Variants in ITGBL1 observed in about 807,000 individuals in gnomAD.
ITGBL1 encodes the protein integrin beta-like protein 1.
In ITGBL1, 51 loss-of-function variants were observed where a neutral mutation model predicts 68.5. The ratio of observed to expected loss-of-function variants is 0.74; its 90% CI spans 0.59 to 0.94. The LOEUF (loss-of-function observed/expected upper bound fraction) is 0.94. Among genes scored for constraint, ITGBL1 ranks in the 40% least tolerant of loss-of-function variants. ITGBL1 has a pLI of 0.00. For synonymous variants in ITGBL1, 209 were observed against 227.3 expected, an observed-to-expected ratio of 0.92 and a Z score of 0.72; for missense variants, 649 against 647.4, an observed-to-expected ratio of 1.00 and a Z score of -0.03.
At chr13:101,604,930 A>T (rs1483445771) in intron 7 of ITGBL1, among the ~76,000 whole-genome samples, 10 of 117,000 alleles carry the variant, frequency 8.5e-5, no homozygotes, top group African/African-American at 3.1e-4. Context: ...GTGTGTATAT[A>T]TACGCATGTA....
chr13:101,671,432 T>G (rs1416113310), intron 7 of ITGBL1, among the ~76,000 whole-genome samples: 1 of 70,414 alleles, frequency 1.4e-5, no homozygotes, highest in Non-Finnish European at 2.9e-5. Flanking sequence ...CTTTGTTTTT[T>G]TTTTGTTTTT....
At chr13:101,498,691 T>TA (rs2048893585) in intron 2 of ITGBL1, among the ~76,000 whole-genome samples, 1 of 152,208 alleles carries the variant, frequency 6.6e-6, no homozygotes, top group African/African-American at 2.4e-5. Context: ...TATGATGTAT[T>TA]ACTCAGCTTA....
At chr13:101,551,047 G>A (rs2049912687) in intron 2 of ITGBL1, among the ~76,000 whole-genome samples, 2 of 152,148 alleles carry the variant, frequency 1.3e-5, no homozygotes, top group African/African-American at 4.8e-5. Context: ...TGGGGTGTAT[G>A]GATTTTGCTG....
In ITGBL1 at chr13:101,583,462, G is replaced by T. The variant is rs942018825; in HGVS notation, c.868+106G>T. 5 of 873,848 alleles carry T rather than the reference G, an allele frequency of 5.7e-6. No individual in the cohort carries two copies. In the African/African-American group the frequency reaches 7.0e-5, roughly 12 times the overall value. 54.1% of individuals were successfully genotyped at this position (873,848 alleles called of 1,614,324 possible). The stretch of plus-strand genomic sequence containing the variant: ...GAAAGAATAAATAAGACATACTGTT[G>T]GATAGCACAATAGGGTGACTATAGT... On this transcript the variant is annotated intron_variant, in intron 6 of 10. Coordinates refer to ENST00000376180, the MANE Select transcript of ITGBL1 (RefSeq NM_004791.3).
chr13:101,484,038 T>C (rs541650165), intron 2 of ITGBL1, among the ~76,000 whole-genome samples: 1 of 152,040 alleles, frequency 6.6e-6, no homozygotes, highest in Admixed American at 6.5e-5. Context: ...CTCTATTCTT[T>C]TTTGTAGACG....
intron 7 of ITGBL1, among the ~76,000 whole-genome samples, chr13:101,683,626 C>G (rs964271602): frequency 1.3e-5 from 2 of 151,886 alleles, no homozygotes; most frequent in Non-Finnish European, 2.9e-5. Flanking sequence ...TTATGCATGC[C>G]AACTTCACTA....
intron 2 of ITGBL1, among the ~76,000 whole-genome samples, chr13:101,541,271 T>C (rs2049694597): frequency 6.6e-6 from 1 of 151,980 alleles, no homozygotes; most frequent in Admixed American, 6.6e-5. Context: ...GAAGGGTTGT[T>C]GAATTTTGTC....
intron 2 of ITGBL1, among the ~76,000 whole-genome samples, chr13:101,534,222 G>A (rs1248339707): frequency 6.6e-6 from 1 of 152,146 alleles, no homozygotes; most frequent in African/African-American, 2.4e-5. Context: ...CCATTAATGG[G>A]TGGGGAGGAA....
At chr13:101,529,914 A>T (rs1411500938) in intron 2 of ITGBL1, among the ~76,000 whole-genome samples, 1 of 152,152 alleles carries the variant, frequency 6.6e-6, no homozygotes, top group Non-Finnish European at 1.5e-5. Context: ...AAACGAACTA[A>T]TTCAGCAGTT....
intron 6 of ITGBL1, among the ~76,000 whole-genome samples, chr13:101,597,832 A>G (rs557980094): frequency 6.2e-4 from 94 of 152,176 alleles, no homozygotes; most frequent in African/African-American, 2.2e-3. Flanking sequence ...GATTATAGAC[A>G]TGAGCCACAG....
At chr13:101,662,447 A>G (rs767749142) in intron 7 of ITGBL1, among the ~76,000 whole-genome samples, 9 of 152,176 alleles carry the variant, frequency 5.9e-5, no homozygotes, top group Non-Finnish European at 1.3e-4. Context: ...TACATTTTCT[A>G]TAGTCAGGGA....
chr13:101,510,822 G>C (rs2049103873), intron 2 of ITGBL1, among the ~76,000 whole-genome samples: 1 of 151,928 alleles, frequency 6.6e-6, no homozygotes. Flanking sequence ...CATGTCTTTT[G>C]CCCACTTTTT....
intron 8 of ITGBL1, among the ~76,000 whole-genome samples, chr13:101,704,330 G>A (rs528044165): frequency 6.6e-6 from 1 of 152,208 alleles, no homozygotes; most frequent in South Asian, 2.1e-4. Flanking sequence ...GGGGAATGTA[G>A]GAGAAAATCA....
chr13:101,606,691 G>A (rs542075265), intron 7 of ITGBL1, among the ~76,000 whole-genome samples: 17 of 152,132 alleles, frequency 1.1e-4, no homozygotes, highest in Admixed American at 9.8e-4. Context: ...GTCTCAGGCA[G>A]GAGGATTTGC....
At chr13:101,540,345 C>T (rs1267344023) in intron 2 of ITGBL1, among the ~76,000 whole-genome samples, 1 of 152,098 alleles carries the variant, frequency 6.6e-6, no homozygotes, top group Admixed American at 6.6e-5. Context: ...TCAGGTATGT[C>T]AAAGATCAGA....
intron 2 of ITGBL1, among the ~76,000 whole-genome samples, chr13:101,477,069 TCAAGGGTAGACTATATGTTAGGCCA>T (rs2048548485): frequency 6.6e-6 from 1 of 152,136 alleles, no homozygotes; most frequent in South Asian, 2.1e-4. Flanking sequence ...TGGATCATTC[TCAAGGGTAGACTATATGTTAGGCCA>T]CAAAACAAGT....
intron 4 of ITGBL1, among the ~76,000 whole-genome samples, chr13:101,576,357 C>T (rs951361497): frequency 6.6e-5 from 10 of 152,206 alleles, no homozygotes; most frequent in Admixed American, 5.2e-4. Flanking sequence ...CTCCTCACCA[C>T]TTGCAGTTTT....
intron 8 of ITGBL1, among the ~76,000 whole-genome samples, chr13:101,693,624 G>GTCTATCTA (rs71125018): frequency 0.14 from 20,257 of 145,958 alleles, 1,578 homozygotes; most frequent in Admixed American, 0.21. Flanking sequence ...CTGTCTGTCT[G>GTCTATCTA]TCTATCTATC....
intron 2 of ITGBL1, among the ~76,000 whole-genome samples, chr13:101,460,907 C>T (rs944089925): frequency 7.2e-5 from 11 of 152,164 alleles, no homozygotes; most frequent in East Asian, 1.9e-4. Context: ...ACCCCCATAA[C>T]CCAAACACTT....
Sources: gnomAD v4.1 joint callset for allele counts (sites outside exome capture counted in the v4.1 genomes callset) on GRCh38, gnomAD v4.1.1 for gene constraint, MANE v1.5 for transcripts, NCBI Gene and HGNC (gene_info 2026-07-23, HGNC 2026-07-21) for gene names.